C1S: variants seen among roughly 807,000 people sequenced by gnomAD.
C1S encodes the protein complement C1s.
C1S carries 31 observed loss-of-function variants against 54.0 expected under a neutral mutation model. That is an observed-to-expected ratio of 0.57 (90% CI 0.43 to 0.78). C1S has a LOEUF of 0.78. Among genes scored for constraint, C1S ranks in the 30% least tolerant of loss-of-function variants. C1S has a pLI of 0.00. For synonymous variants in C1S, 292 were observed against 303.6 expected (o/e 0.96, Z 0.40); for missense variants, 727 against 851.8 (o/e 0.85, Z 1.82).
rs782350869 is a variant in C1S, at chr12:7,070,075, G to A, written c.1491G>A (p.Leu497=). Residue 497 remains leucine (L), a synonymous_variant, in exon 12 of 12, where the codon CTG becomes CTA. Coordinates refer to ENST00000360817, the MANE Select transcript of C1S (RefSeq NM_001734.5). This position sits in a 1 kb window ranked among gnomAD's most constrained non-coding sequence, Gnocchi z 4.9. ...VGSTSVQTSR[L]AKSKMLTPEH... ...CCACCTCAGTGCAGACCTCACGGCTGGCAAAATCCAAGATGCTCACTCCTG... is the reference window on the plus strand; with the variant it reads ...CCACCTCAGTGCAGACCTCACGGCTAGCAAAATCCAAGATGCTCACTCCTG... 1 of 1,614,096 alleles carries A rather than the reference G, an allele frequency of 6.2e-7. No individual in the cohort carries two copies. Among genetic ancestry groups the A allele is most frequent in the Non-Finnish European group, 8.5e-7 (1 of 1,180,006 alleles).
intron 4 of C1S, chr12:7,064,047 C>CACACACACACACA: frequency 3.3e-6 from 2 of 602,938 alleles, no homozygotes; most frequent in African/African-American, 3.7e-5. Context: ...CACACACACA[C>CACACACACACACA]CCCCGAGCTT....
chr12:7,063,482 T>C, intron 4 of C1S: 1 of 393,818 alleles, frequency 2.5e-6, no homozygotes, highest in South Asian at 1.8e-5. Context: ...TTTAAACCCA[T>C]TCAATATATG....
chr12:7,066,337 G>A (rs1202772101), intron 7 of C1S, 181 bp from the exon 8 acceptor site: 3 of 675,948 alleles, frequency 4.4e-6, no homozygotes, highest in Admixed American at 2.1e-5. Context: ...ACTGCAGACA[G>A]CTTGCGGGTG....
At chr12:7,067,962 CAG>C (rs1386432344) in intron 10 of C1S, among the ~76,000 whole-genome samples, 191 bp downstream of exon 10, 3 of 152,214 alleles carry the variant, frequency 2.0e-5, no homozygotes, top group Non-Finnish European at 4.4e-5. Context: ...GCATCAGCCT[CAG>C]GGAATCATAG....
At position 7,064,035 on chromosome 12, in the gene C1S, T is replaced by C. The variant is rs200070185; in HGVS notation, c.392-232T>C. ...GGTGACAGAGTGAGGCTATGTCACT[T>C]ACACACACACACCCCCGAGCTTCCT... On this transcript the variant is annotated intron_variant, in intron 4 of 11. Coordinates refer to ENST00000360817, the MANE Select transcript of C1S (RefSeq NM_001734.5). 189 of 571,256 alleles carry C rather than the reference T, an allele frequency of 3.3e-4. 2 individuals carry two copies. Among genetic ancestry groups the C allele is most frequent in the South Asian group, 2.9e-3 (185 of 63,916 alleles). The allele number at this position is 571,256 out of a possible 1,614,324, so 35.4% of individuals were successfully genotyped here.
In C1S at chr12:7,065,115, A is replaced by G; in HGVS notation, c.533A>G (p.Asp178Gly). 6.2e-7 allele frequency: 1 copy of G among 1,613,620 alleles called. No individual in the cohort carries two copies. The highest frequency in any genetic ancestry group is 8.5e-7 in the Non-Finnish European group (1 of 1,179,604). The change falls in exon 6 of 12, where the codon GAT becomes GGT. Residue 178 changes from aspartate to glycine, a missense_variant. Physicochemically the swap from Asp to Gly is moderately conservative, Grantham distance 94. Coordinates refer to ENST00000360817, the MANE Select transcript of C1S (RefSeq NM_001734.5). ...MKNCGVNCSGDVFTALIGEIA... is the reference protein window; with the variant it reads ...MKNCGVNCSGGVFTALIGEIA... ...TCTCTGTTAGTTAATTGCAGTGGGG[A>G]TGTATTCACTGCACTGATTGGGGAG...
At chr12:7,061,777 G>C in intron 1 of C1S, 62 bp from the exon 2 acceptor site, 1 of 909,126 alleles carries the variant, frequency 1.1e-6, no homozygotes, top group Non-Finnish European at 1.8e-6. Flanking sequence ...AGGTGACGCC[G>C]CACCACCAAA....
chr12:7,067,224 G>A (rs1937690840), intron 9 of C1S, 107 bp downstream of exon 9: 2 of 867,906 alleles, frequency 2.3e-6, no homozygotes, highest in Admixed American at 1.9e-5. Flanking sequence ...ATGTGAGGGA[G>A]TGGGTTGGGT....
In C1S at chr12:7,070,256, A is replaced by G; in HGVS notation, c.1672A>G (p.Asn558Asp). 6.2e-7 allele frequency: 1 copy of G among 1,614,220 alleles called. No individual in the cohort carries two copies. Among genetic ancestry groups the G allele is most frequent in the South Asian group, 1.1e-5 (1 of 91,088 alleles). The change falls in exon 12 of 12, where the codon AAC becomes GAC. Residue 558 changes from asparagine (N) to aspartate (D), a missense_variant. By Grantham distance (23) the Asn-to-Asp change is conservative (BLOSUM62 1). This residue lies in a region of C1S where 360 missense variants were observed against 453.6 expected (regional missense o/e 0.79). Coordinates refer to ENST00000360817, the MANE Select transcript of C1S (RefSeq NM_001734.5). The surrounding 1 kb of genome is among the most constrained non-coding windows in gnomAD (Gnocchi z 4.9). ...ICLPGTSSDY[N>D]LMDGDLGLIS... is the part of the protein sequence containing the mutation. ...CCTACCAGGCACCTCTTCCGACTAC[A>G]ACCTCATGGATGGGGACCTGGGACT...
chr12:7,067,010 A>T (rs1555162361), intron 8 of C1S, 29 bp from the exon 9 acceptor site: 1 of 1,539,618 alleles, frequency 6.5e-7, no homozygotes, highest in South Asian at 1.1e-5. Context: ...TCTCTTCAGA[A>T]ATAAGTGGTG....
rs1565622245 is a variant in C1S at position 7,066,514 on chromosome 12, C to A, written c.872-4C>A. The stretch of plus-strand genomic sequence containing the variant: ...CCTCCTGTCCCAACTTCTGTTCTTT[C>A]AAGCAATGCCCTGCCCTAAGGAAGA... On this transcript the variant is annotated splice_polypyrimidine_tract_variant and splice_region_variant and intron_variant, in intron 7 of 11. Coordinates refer to ENST00000360817, the MANE Select transcript of C1S (RefSeq NM_001734.5). 1.3e-6 allele frequency: 2 copies of A among 1,575,030 alleles called. No homozygotes were observed. Among genetic ancestry groups the A allele is most frequent in the Non-Finnish European group, 1.7e-6 (2 of 1,144,380 alleles).
chr12:7,062,477 G>T lies in C1S; in HGVS notation c.8G>T (p.Cys3Phe). Reference protein sequence around the residue: MWCIVLFSLLAWV... With the variant: MWFIVLFSLLAWV... ...AATCTATGCCTCTGTTTTTTCAGGT[G>T]CATTGTCCTGTTTTCACTTTTGGCA... is the stretch of plus-strand genomic sequence containing the variant. Residue 3 changes from cysteine (C) to phenylalanine (F), a missense_variant and splice_region_variant, in exon 3 of 12, where the codon TGC becomes TTC. This residue lies in a region of C1S where 357 missense variants were observed against 365.4 expected (regional missense o/e 0.98). Coordinates refer to ENST00000360817, the MANE Select transcript of C1S (RefSeq NM_001734.5). 2 of 1,612,296 alleles carry T rather than the reference G, an allele frequency of 1.2e-6. No homozygotes were observed. Among genetic ancestry groups the T allele is most frequent in the Non-Finnish European group, 1.7e-6 (2 of 1,179,648 alleles).
intron 1 of C1S, chr12:7,061,583 C>G (rs1010174141): frequency 9.4e-6 from 4 of 426,544 alleles, no homozygotes; most frequent in African/African-American, 6.1e-5. Context: ...GGAGAAAGTA[C>G]TCGATTCCTT....
chr12:7,062,027 TGG>T (rs1555161341), intron 2 of C1S, 110 bp downstream of exon 2: 1 of 1,107,532 alleles, frequency 9.0e-7, no homozygotes, highest in African/African-American at 1.5e-5. Context: ...CCCAGCACTT[TGG>T]GAGGCTGAGG....
intron 11 of C1S, among the ~76,000 whole-genome samples, chr12:7,069,309 G>T (rs1937770125): frequency 6.6e-6 from 1 of 152,142 alleles, no homozygotes; most frequent in African/African-American, 2.4e-5. Context: ...GGGAGTGAGA[G>T]GTCAGGGCCA....
At position 7,061,866 on chromosome 12, in the gene C1S, C is replaced by T; in HGVS notation, c.-47C>T. On this transcript the variant is annotated 5_prime_UTR_variant, in exon 2 of 12. Coordinates refer to ENST00000360817, the MANE Select transcript of C1S (RefSeq NM_001734.5). ...TCCAAAGTCCGGAGGTGCAGAAAGC[C>T]AGGACCAAGAGACAGGCAGCTCACC... The T allele has an allele frequency of 6.2e-7, 1 of 1,613,480 alleles. No individual in the cohort carries two copies. The highest frequency in any genetic ancestry group is 8.5e-7 in the Non-Finnish European group (1 of 1,179,488).
rs1555162957 is a variant in C1S, at chr12:7,070,091, C to T, written c.1507C>T (p.Leu503Phe). The T allele has an allele frequency of 3.1e-6, 5 of 1,614,122 alleles. No homozygotes were observed. The highest frequency in any genetic ancestry group is 1.7e-5 in the Admixed American group (1 of 60,010). ...QTSRLAKSKMLTPEHVFIHPG... is the reference protein window; with the variant it reads ...QTSRLAKSKMFTPEHVFIHPG... ...CTCACGGCTGGCAAAATCCAAGATG[C>T]TCACTCCTGAGCATGTGTTTATTCA... is the stretch of plus-strand genomic sequence containing the variant. The change falls in exon 12 of 12, where the codon CTC becomes TTC. Residue 503 changes from leucine (L) to phenylalanine (F), a missense_variant. Around this residue, in one of 3 missense-constraint regions of C1S, gnomAD observed 360 missense variants for 453.6 expected, o/e 0.79. Transcript: ENST00000360817. The surrounding 1 kb of genome is among the most constrained non-coding windows in gnomAD (Gnocchi z 4.9).
chr12:7,063,147 A>C lies in C1S; in HGVS notation c.391+80A>C, dbSNP rs1947122525. ...GAGAAATCCACTGAGCAACACATTG[A>C]ATGAGGATTCTGTTCGTAATTCTTA... On this transcript the variant is annotated intron_variant, in intron 4 of 11. Coordinates refer to ENST00000360817, the MANE Select transcript of C1S (RefSeq NM_001734.5). The C allele has an allele frequency of 5.4e-6, 7 of 1,297,670 alleles. No homozygotes were observed. The South Asian group carries it at 6.1e-5, about 11-fold the overall frequency. The allele number at this position is 1,297,670 out of a possible 1,614,324, so 80.4% of individuals were successfully genotyped here. A position where few individuals can be genotyped will look rare whatever the true frequency, so the allele number is the denominator to read the frequency against.
At chr12:7,068,421 G>A (rs1555162645) in intron 10 of C1S, 35 bp from the exon 11 acceptor site, 2 of 1,475,974 alleles carry the variant, frequency 1.4e-6, no homozygotes, top group Non-Finnish European at 9.5e-7. Flanking sequence ...AAGATGTGGT[G>A]GTGAGTGTGG....
Sources: allele counts gnomAD v4.1 joint callset (sites outside exome capture counted in the v4.1 genomes callset), GRCh38; gene constraint gnomAD v4.1.1; regional missense constraint gnomAD v4.1.1; non-coding constraint Gnocchi (gnomAD v3.1); transcripts MANE v1.5; gene names NCBI Gene and HGNC (gene_info 2026-07-23, HGNC 2026-07-21).